Variants in USP12 observed in about 807,000 individuals in gnomAD.
USP12 encodes ubiquitin specific peptidase 12.
A neutral mutation model predicts 45.5 loss-of-function variants in USP12; 19 were observed. The observed-to-expected ratio is 0.42, with a 90% confidence interval of 0.29 to 0.61. The LOEUF is 0.61. Ranked by LOEUF, USP12 falls within the 20% of genes least tolerant of loss-of-function variation. The pLI is 0.22. For missense variants in USP12, 242 were observed against 447.7 expected (o/e 0.54, Z 4.15); for synonymous variants, 149 against 148.8 (o/e 1.00, Z -0.01).
At chr13:27,081,741 C>T (rs1259699096) in intron 6 of USP12, among the ~76,000 whole-genome samples, 3 of 152,138 alleles carry the variant, frequency 2.0e-5, no homozygotes, top group Non-Finnish European at 4.4e-5. Context: ...CAAAATAACT[C>T]ATTGATTCAT....
chr13:27,090,010 A>G (rs756567935), intron 5 of USP12, 44 bp from the exon 6 acceptor site: 16 of 1,586,946 alleles, frequency 1.0e-5, no homozygotes, highest in Admixed American at 1.7e-5. Flanking sequence ...ATACCAGGAA[A>G]TCATGTATCT....
chr13:27,087,250 G>C (rs1029680730), intron 6 of USP12, among the ~76,000 whole-genome samples: 2 of 25,436 alleles, frequency 7.9e-5, no homozygotes, highest in African/African-American at 2.0e-4. Flanking sequence ...AGTGGGGAGG[G>C]ATGTGTGTGT....
chr13:27,071,547 G>A (rs1873246985), intron 7 of USP12, among the ~76,000 whole-genome samples: 1 of 152,118 alleles, frequency 6.6e-6, no homozygotes, highest in Admixed American at 6.5e-5. Flanking sequence ...TTATTTCTAA[G>A]TCTCACTCCC....
chr13:27,099,969 G>A (rs1874790350), intron 3 of USP12, among the ~76,000 whole-genome samples: 2 of 152,146 alleles, frequency 1.3e-5, no homozygotes, highest in Admixed American at 1.3e-4. Context: ...TTGTCCACAA[G>A]AGATAGTAGA....
chr13:27,144,591 A>G (rs1877224136), intron 1 of USP12, among the ~76,000 whole-genome samples: 1 of 151,834 alleles, frequency 6.6e-6, no homozygotes, highest in East Asian at 1.9e-4. Flanking sequence ...ATGTAAATAC[A>G]TTTAGCAAAG....
intron 1 of USP12, among the ~76,000 whole-genome samples, chr13:27,133,149 C>A (rs923050652): frequency 3.0e-4 from 46 of 152,176 alleles, no homozygotes; most frequent in African/African-American, 1.1e-3. Flanking sequence ...CTCTAGGAAT[C>A]CTCAAAAATA....
At chr13:27,100,959 T>C (rs1874838520) in intron 3 of USP12, among the ~76,000 whole-genome samples, 1 of 152,246 alleles carries the variant, frequency 6.6e-6, no homozygotes, top group Non-Finnish European at 1.5e-5. Flanking sequence ...AAAAGAATTT[T>C]AGCATATACA....
intron 1 of USP12, among the ~76,000 whole-genome samples, chr13:27,126,098 G>C (rs1876226134): frequency 6.6e-6 from 1 of 152,244 alleles, no homozygotes; most frequent in Non-Finnish European, 1.5e-5. Flanking sequence ...GTCCCTGCCT[G>C]ACAGGTCTAA....
chr13:27,143,860 C>T (rs566807262), intron 1 of USP12, among the ~76,000 whole-genome samples: 1 of 152,320 alleles, frequency 6.6e-6, no homozygotes, highest in African/African-American at 2.4e-5. Flanking sequence ...AATGTTCAGA[C>T]AAATCCAGAT....
At chr13:27,144,446 T>G (rs1877215395) in intron 1 of USP12, among the ~76,000 whole-genome samples, 1 of 146,728 alleles carries the variant, frequency 6.8e-6, no homozygotes, top group Non-Finnish European at 1.5e-5. Context: ...AGTGAGCTAT[T>G]AATATTATCA....
intron 1 of USP12, chr13:27,117,705 T>C (rs2137798590): frequency 1.9e-6 from 1 of 518,306 alleles, no homozygotes; most frequent in Non-Finnish European, 3.9e-6. Context: ...GGAAGAGGGA[T>C]GGACCATGGA....
intron 2 of USP12, among the ~76,000 whole-genome samples, chr13:27,114,742 T>C (rs976302659): frequency 6.6e-6 from 1 of 150,688 alleles, no homozygotes; most frequent in Admixed American, 6.6e-5. Flanking sequence ...TAGGTTAATC[T>C]GTGGGTATTT....
At chr13:27,161,641 T>C (rs1878111305) in intron 1 of USP12, among the ~76,000 whole-genome samples, 1 of 152,136 alleles carries the variant, frequency 6.6e-6, no homozygotes, top group African/African-American at 2.4e-5. Flanking sequence ...TGCAGCATTT[T>C]GGGAGGCCAG....
chr13:27,152,475 G>C (rs1054175812), intron 1 of USP12, among the ~76,000 whole-genome samples: 1 of 152,052 alleles, frequency 6.6e-6, no homozygotes, highest in African/African-American at 2.4e-5. Context: ...GGAAGGGGGA[G>C]GGAAAGGAAA....
In USP12 at chr13:27,171,707, G is replaced by C; in HGVS notation, c.-68C>G. ...GGCGGGGGAGGAGGGGAGCCGGGCC[G>C]CCCGCTCGCACCGCAGCCCGCGGGC... is the stretch of plus-strand genomic sequence containing the variant. On this transcript the variant is annotated 5_prime_UTR_variant, in exon 1 of 9. Coordinates refer to ENST00000282344, the MANE Select transcript of USP12 (RefSeq NM_182488.4). The C allele has an allele frequency of 9.4e-7, 1 of 1,061,166 alleles. No individual in the cohort carries two copies. Among genetic ancestry groups the C allele is most frequent in the Non-Finnish European group, 1.2e-6 (1 of 838,408 alleles). 65.7% of individuals were successfully genotyped at this position (1,061,166 alleles called of 1,614,324 possible). A position where few individuals can be genotyped will look rare whatever the true frequency, so the allele number is the denominator to read the frequency against.
intron 3 of USP12, among the ~76,000 whole-genome samples, chr13:27,103,607 A>ATAAAAAT (rs1555234497): frequency 7.8e-6 from 1 of 128,520 alleles, no homozygotes; most frequent in South Asian, 2.7e-4. Context: ...TCAAAAAAAA[A>ATAAAAAT]AATAATAATA....
chr13:27,147,282 C>A (rs1157110480), intron 1 of USP12, among the ~76,000 whole-genome samples: 1 of 152,150 alleles, frequency 6.6e-6, no homozygotes, highest in East Asian at 1.9e-4. Context: ...CTAAGCAAAA[C>A]ACAACTCAGG....
At position 27,066,270 on chromosome 13, in the gene USP12, G is replaced by A. The variant is rs1872986138; in HGVS notation, c.*3013C>T. 1 of 152,178 alleles carries A rather than the reference G, an allele frequency of 6.6e-6. No individual in the cohort carries two copies. The highest frequency in any genetic ancestry group is 2.4e-5 in the African/African-American group (1 of 41,428). 9.4% of individuals were successfully genotyped at this position (152,178 alleles called of 1,614,324 possible). On this transcript the variant is annotated 3_prime_UTR_variant, in exon 9 of 9. Transcript: ENST00000282344. The stretch of plus-strand genomic sequence containing the variant: ...ATTAATCCCCACAACAACCCTGTGA[G>A]GTAGGTATTACTCCCATTTTACAAG...
chr13:27,156,600 C>T (rs1015227106), intron 1 of USP12, among the ~76,000 whole-genome samples: 1 of 152,186 alleles, frequency 6.6e-6, no homozygotes, highest in Non-Finnish European at 1.5e-5. Flanking sequence ...GGCGGATCAC[C>T]TGAGGTCAGA....
Sources: gnomAD v4.1 joint callset for allele counts (sites outside exome capture counted in the v4.1 genomes callset) on GRCh38, gnomAD v4.1.1 for gene constraint, MANE v1.5 for transcripts, NCBI Gene and HGNC (gene_info 2026-07-23, HGNC 2026-07-21) for gene names.